AK8: variants seen among roughly 807,000 people sequenced by gnomAD.
AK8 encodes the protein ATP-AMP transphosphorylase 8.
A neutral mutation model predicts 54.6 loss-of-function variants in AK8; 44 were observed. The ratio of observed to expected loss-of-function variants is 0.81; its 90% confidence interval spans 0.63 to 1.04. AK8 has a LOEUF of 1.04. Ranked by LOEUF, AK8 falls within the 50% of genes least tolerant of loss-of-function variation. The pLI, the probability that AK8 is intolerant of heterozygous loss-of-function variation, is 0.00. For synonymous variants in AK8, 239 were observed against 245.6 expected, an observed-to-expected ratio of 0.97 and a Z score of 0.25; for missense variants, 555 against 613.6, an observed-to-expected ratio of 0.90 and a Z score of 1.01.
chr9:132,813,002 G>T (rs805064), intron 10 of AK8, among the ~76,000 whole-genome samples: 3 of 88,824 alleles, frequency 3.4e-5, no homozygotes, highest in East Asian at 5.9e-4. Context: ...GACCAGACCC[G>T]CTCACTGCCC....
Position 132,746,943 on chromosome 9 carries a change from A to G in AK8, c.1122-19409T>C, listed in dbSNP as rs575510510. Among the ~76,000 whole-genome samples, 8 of 152,388 alleles carry G rather than the reference A, an allele frequency of 5.2e-5. No individual in the cohort carries two copies. In the South Asian group the frequency reaches 1.7e-3, roughly 32 times the overall value. On this transcript the variant is annotated intron_variant, in intron 11 of 12. Transcript: ENST00000298545. Reference sequence around the variant, plus strand: ...GGTTTAATGCATTCTGGTTTAAAATAAAACCAAACTATCATTCATCAAATA... The same window carrying G: ...GGTTTAATGCATTCTGGTTTAAAATGAAACCAAACTATCATTCATCAAATA...
At chr9:132,866,752 T>G (rs1438266401) in intron 3 of AK8, 152 bp downstream of exon 3, 22 of 764,144 alleles carry the variant, frequency 2.9e-5, no homozygotes, top group Non-Finnish European at 4.5e-5. Flanking sequence ...TTTTCTGCTA[T>G]GAATACACAC....
At chr9:132,855,010 C>G (rs546771294) in intron 4 of AK8, 85 bp from the exon 5 acceptor site, 32 of 1,426,302 alleles carry the variant, frequency 2.2e-5, no homozygotes, top group Middle Eastern at 1.8e-4. Flanking sequence ...CCTTCACCAA[C>G]GCCCTGGCCT....
At chr9:132,808,670 A>G (rs1840842585) in intron 10 of AK8, among the ~76,000 whole-genome samples, 1 of 152,202 alleles carries the variant, frequency 6.6e-6, no homozygotes. Flanking sequence ...ATCTGGCTCT[A>G]TTTGGCTGAG....
In AK8 at chr9:132,781,336, T is replaced by C. The variant is rs1164361962; in HGVS notation, c.1121+11298A>G. Among the ~76,000 whole-genome samples the C allele has an allele frequency of 1.3e-5, 2 of 152,176 alleles. No individual in the cohort carries two copies. The highest frequency in any genetic ancestry group is 2.9e-5 in the Non-Finnish European group (2 of 68,026). On this transcript the variant is annotated intron_variant, in intron 11 of 12. Transcript: ENST00000298545. This position sits in a 1 kb window ranked among gnomAD's most constrained non-coding sequence, Gnocchi z 4.6. ...GAGATTGATACTGCTCAGTGGAATA[T>C]AATTTAGTATTATGTGCCATGGGTT...
chr9:132,755,322 C>A (rs1285904564), intron 11 of AK8, among the ~76,000 whole-genome samples: 1 of 152,228 alleles, frequency 6.6e-6, no homozygotes, highest in African/African-American at 2.4e-5. Flanking sequence ...CTACCCTGCA[C>A]ACCAAGAGCC....
At chr9:132,759,663 C>A (rs1838360179) in intron 11 of AK8, among the ~76,000 whole-genome samples, 1 of 152,128 alleles carries the variant, frequency 6.6e-6, no homozygotes. Flanking sequence ...CACATGGGTA[C>A]CCAGTTGCGC....
chr9:132,818,049 A>G (rs773694719), intron 9 of AK8, among the ~76,000 whole-genome samples: 1 of 152,236 alleles, frequency 6.6e-6, no homozygotes, highest in Non-Finnish European at 1.5e-5. Context: ...AAGCCGGAAG[A>G]CAATAGAATG....
At chr9:132,814,815 AG>A in intron 9 of AK8, 88 bp from the exon 10 acceptor site, 1 of 1,101,000 alleles carries the variant, frequency 9.1e-7, no homozygotes. Context: ...CTGCCTGCTG[AG>A]GGAAAAAAAA....
intron 11 of AK8, among the ~76,000 whole-genome samples, chr9:132,730,185 G>T (rs1326479426): frequency 6.6e-6 from 1 of 152,150 alleles, no homozygotes; most frequent in African/African-American, 2.4e-5. Context: ...GTGAACAAAA[G>T]CAGCCTCTCA....
intron 11 of AK8, among the ~76,000 whole-genome samples, chr9:132,766,933 G>C (rs918743742): frequency 2.6e-5 from 4 of 152,156 alleles, no homozygotes; most frequent in African/African-American, 9.7e-5. Flanking sequence ...TCTGCATGCA[G>C]AAAAATGAAA....
Position 132,878,060 on chromosome 9 carries a change from T to G in AK8, c.84+112A>C. On this transcript the variant is annotated intron_variant, in intron 1 of 12. Coordinates refer to ENST00000298545, the MANE Select transcript of AK8 (RefSeq NM_152572.3). This position sits in a 1 kb window ranked among gnomAD's most constrained non-coding sequence, Gnocchi z 4.7. ...AATCGTACATCCCGAGTTGGGCTGC[T>G]TCGTGGGCGCGCGACTCGGCCCCAG... 6.5e-7 allele frequency: 1 copy of G among 1,536,304 alleles called. No homozygotes were observed. Among genetic ancestry groups the G allele is most frequent in the South Asian group, 1.2e-5 (1 of 83,712 alleles).
rs574059217 is a variant in AK8, at chr9:132,826,122, G to A, written c.757+732C>T. 7.3e-4 allele frequency among the ~76,000 whole-genome samples: 111 copies of A among 152,310 alleles called. No individual in the cohort carries two copies. The highest frequency in any genetic ancestry group is 2.6e-3 in the African/African-American group (107 of 41,566). ...GAACTGGGCTTGTGGCTGTGGACAC[G>A]TGATTTGGAGAATCCCATTTAATCC... On this transcript the variant is annotated intron_variant, in intron 8 of 12. Transcript: ENST00000298545. The surrounding 1 kb of genome is among the most constrained non-coding windows in gnomAD (Gnocchi z 4.5).
At chr9:132,754,453 C>A (rs1427901102) in intron 11 of AK8, among the ~76,000 whole-genome samples, 9 of 152,170 alleles carry the variant, frequency 5.9e-5, no homozygotes, top group Non-Finnish European at 1.0e-4. Flanking sequence ...TCTGAATGTT[C>A]GTGGAAGATC....
chr9:132,815,495 G>A (rs1439363971), intron 9 of AK8, among the ~76,000 whole-genome samples: 1 of 152,098 alleles, frequency 6.6e-6, no homozygotes, highest in Non-Finnish European at 1.5e-5. Flanking sequence ...GGAGGTTGCA[G>A]CGAGCCAAGA....
intron 2 of AK8, among the ~76,000 whole-genome samples, chr9:132,869,129 G>C (rs1016043738): frequency 1.3e-5 from 2 of 152,332 alleles, no homozygotes; most frequent in Non-Finnish European, 2.9e-5. Flanking sequence ...GCAGTGAGCT[G>C]AGACTGCGCC....
chr9:132,762,844 T>A (rs1157072940), intron 11 of AK8, among the ~76,000 whole-genome samples: 2 of 151,860 alleles, frequency 1.3e-5, no homozygotes, highest in African/African-American at 4.8e-5. Context: ...GCCACTGCAC[T>A]CCAGCCTGGG....
At chr9:132,859,726 G>T (rs1453212090) in intron 4 of AK8, among the ~76,000 whole-genome samples, 1 of 151,872 alleles carries the variant, frequency 6.6e-6, no homozygotes, top group Non-Finnish European at 1.5e-5. Flanking sequence ...CAGACTGTGG[G>T]CTTAGAGACA....
intron 5 of AK8, among the ~76,000 whole-genome samples, chr9:132,839,182 G>T (rs1437322290): frequency 6.6e-6 from 1 of 152,192 alleles, no homozygotes; most frequent in Non-Finnish European, 1.5e-5. Flanking sequence ...GACCTCAAAA[G>T]ATCCACCCGC....
Sources: gnomAD v4.1 joint callset for allele counts (sites outside exome capture counted in the v4.1 genomes callset) on GRCh38, gnomAD v4.1.1 for gene constraint, Gnocchi (gnomAD v3.1) non-coding constraint, MANE v1.5 for transcripts, NCBI Gene and HGNC (gene_info 2026-07-23, HGNC 2026-07-21) for gene names.